The following NUP214 variants were observed in gnomAD, a reference collection of about 807,000 sequenced individuals.
NUP214 encodes the protein nuclear pore complex protein Nup214.
In NUP214, 79 loss-of-function variants were observed where a neutral mutation model predicts 196.2. The ratio of observed to expected loss-of-function variants is 0.40; its 90% CI spans 0.34 to 0.49. The LOEUF is 0.49. NUP214 is among the 20% of genes least tolerant of loss of function. The pLI is 0.58. For missense variants in NUP214, 2,468 were observed against 2,539.0 expected, an observed-to-expected ratio of 0.97 and a Z score of 0.60; for synonymous variants, 1,020 against 990.5, an observed-to-expected ratio of 1.03 and a Z score of -0.56.
intron 17 of NUP214, among the ~76,000 whole-genome samples, chr9:131,154,319 C>T (rs563342661): frequency 1.3e-5 from 2 of 151,904 alleles, no homozygotes; most frequent in South Asian, 4.2e-4. Flanking sequence ...TTTGGTGCAC[C>T]CATCATCCAA....
intron 30 of NUP214, among the ~76,000 whole-genome samples, chr9:131,210,752 T>A (rs937394506): frequency 6.6e-6 from 1 of 152,116 alleles, no homozygotes; most frequent in Non-Finnish European, 1.5e-5. Context: ...CTCGAAGACG[T>A]ATCAATAGAA....
chr9:131,199,680 A>G (rs976418935), intron 29 of NUP214, among the ~76,000 whole-genome samples: 2 of 152,226 alleles, frequency 1.3e-5, no homozygotes, highest in African/African-American at 2.4e-5. Context: ...AAGCAAGGCA[A>G]TTTGAAAATC....
At chr9:131,229,842 G>C (rs762600229) in intron 33 of NUP214, 1 of 485,664 alleles carries the variant, frequency 2.1e-6, no homozygotes, top group Non-Finnish European at 4.0e-6. Flanking sequence ...AGAATGGTGG[G>C]AAGGCAGAGT....
intron 30 of NUP214, among the ~76,000 whole-genome samples, chr9:131,202,824 A>G (rs1183981462): frequency 6.6e-6 from 1 of 152,094 alleles, no homozygotes; most frequent in Non-Finnish European, 1.5e-5. Context: ...CTGCTACGCT[A>G]TATGTAGCCC....
At chr9:131,219,629 A>G (rs1834501686) in intron 31 of NUP214, among the ~76,000 whole-genome samples, 1 of 152,158 alleles carries the variant, frequency 6.6e-6, no homozygotes, top group African/African-American at 2.4e-5. Flanking sequence ...TCTAAAATTC[A>G]CCACCACTGT....
chr9:131,139,455 A>T (rs762350763), intron 10 of NUP214, 48 bp downstream of exon 10: 1 of 1,588,664 alleles, frequency 6.3e-7, no homozygotes, highest in Non-Finnish European at 8.5e-7. Flanking sequence ...CTTTCTAGTT[A>T]GGGTTAATAT....
intron 14 of NUP214, among the ~76,000 whole-genome samples, chr9:131,148,015 C>T (rs891835604): frequency 2.6e-5 from 4 of 152,192 alleles, no homozygotes; most frequent in African/African-American, 9.7e-5. Flanking sequence ...GGTGAAACCC[C>T]GTCTCTACTA....
chr9:131,192,619 AT>A, intron 27 of NUP214: 1 of 194,136 alleles, frequency 5.2e-6, no homozygotes. Context: ...TTCTGACACC[AT>A]TTTGGGGGCT....
chr9:131,144,223 A>T (rs887579261), intron 11 of NUP214, 57 bp from the exon 12 acceptor site: 9 of 1,323,116 alleles, frequency 6.8e-6, no homozygotes, highest in Admixed American at 6.0e-5. Context: ...GCTTTCTATT[A>T]TGTGAACCTC....
Position 131,146,400 on chromosome 9 carries a change from GTTATT to G in NUP214, c.1945+99_1945+103del. Reference sequence around the variant, plus strand: ...GTCGTAGCTAACATAGTTGGACAAGGTTATTTTTTCTTGCTTCCTGTATCATACAT... The same window carrying G: ...GTCGTAGCTAACATAGTTGGACAAGGTTTTCTTGCTTCCTGTATCATACAT... On this transcript the variant is annotated intron_variant, in intron 13 of 35. Coordinates refer to ENST00000359428, the MANE Select transcript of NUP214 (RefSeq NM_005085.4). This position sits in a 1 kb window ranked among gnomAD's most constrained non-coding sequence, Gnocchi z 4.6. The G allele has an allele frequency of 7.8e-7, 1 of 1,274,844 alleles. No homozygotes were observed. The highest frequency in any genetic ancestry group is 1.1e-6 in the Non-Finnish European group (1 of 904,002). The allele number at this position is 1,274,844 out of a possible 1,614,324, so 79.0% of individuals were successfully genotyped here.
At chr9:131,129,694 C>G (rs1831470432) in intron 4 of NUP214, among the ~76,000 whole-genome samples, 1 of 151,922 alleles carries the variant, frequency 6.6e-6, no homozygotes, top group South Asian at 2.1e-4. Flanking sequence ...ACCTCCACCT[C>G]CTGGGTTCAA....
At chr9:131,225,871 T>G (rs900587702) in intron 32 of NUP214, among the ~76,000 whole-genome samples, 1 of 152,212 alleles carries the variant, frequency 6.6e-6, no homozygotes, top group East Asian at 1.9e-4. Context: ...AATTGCATTA[T>G]AAAATTATCC....
At chr9:131,229,432 T>A (rs183225660) in intron 33 of NUP214, 1 of 293,874 alleles carries the variant, frequency 3.4e-6, no homozygotes, top group Non-Finnish European at 6.6e-6. Flanking sequence ...TTCTCTGCAG[T>A]GATGAACCAG....
At chr9:131,152,325 C>T (rs1022537020) in intron 17 of NUP214, among the ~76,000 whole-genome samples, 2 of 152,054 alleles carry the variant, frequency 1.3e-5, no homozygotes, top group African/African-American at 4.8e-5. Context: ...CTATGCTGCC[C>T]AGCCCAGCTG....
chr9:131,132,450 T>A, intron 5 of NUP214, 146 bp from the exon 6 acceptor site: 1 of 663,708 alleles, frequency 1.5e-6, no homozygotes, highest in Non-Finnish European at 2.6e-6. Context: ...GTCCTGGAAG[T>A]AGATAGCACT....
intron 7 of NUP214, among the ~76,000 whole-genome samples, chr9:131,133,450 G>T (rs553491996): frequency 3.4e-4 from 52 of 151,700 alleles, no homozygotes; most frequent in Non-Finnish European, 6.5e-4. Context: ...TACTACAGGT[G>T]CACACCACTA....
chr9:131,128,503 T>G lies in NUP214; in HGVS notation c.393+20T>G. The G allele has an allele frequency of 6.3e-7, 1 of 1,587,956 alleles. No individual in the cohort carries two copies. Among genetic ancestry groups the G allele is most frequent in the Non-Finnish European group, 8.6e-7 (1 of 1,163,188 alleles). On this transcript the variant is annotated intron_variant, in intron 3 of 35. Coordinates refer to ENST00000359428, the MANE Select transcript of NUP214 (RefSeq NM_005085.4). ...AATGAGGTAAGCTACTGTTATACTG[T>G]GATGTCAACATGAGAACCCTAAGCA...
chr9:131,156,570 T>G (rs1238943156), intron 17 of NUP214, among the ~76,000 whole-genome samples: 3 of 151,500 alleles, frequency 2.0e-5, no homozygotes, highest in African/African-American at 7.3e-5. Context: ...TTTTTTTTTT[T>G]GTTCTTTTTT....
chr9:131,222,744 C>T (rs1465268912), intron 31 of NUP214, 34 bp from the exon 32 acceptor site: 3 of 1,598,802 alleles, frequency 1.9e-6, no homozygotes. Context: ...ACATTTGTCT[C>T]CCTCTGACCT....
Sources: allele counts gnomAD v4.1 joint callset (sites outside exome capture counted in the v4.1 genomes callset), GRCh38; gene constraint gnomAD v4.1.1; non-coding constraint Gnocchi (gnomAD v3.1); transcripts MANE v1.5; gene names NCBI Gene and HGNC (gene_info 2026-07-23, HGNC 2026-07-21).